The following ZNF420 variants were observed in gnomAD, a reference collection of about 807,000 sequenced individuals.
ZNF420 encodes ATM and p53-associated KZNF protein.
Under a neutral mutation model 44.7 loss-of-function variants are expected in ZNF420, and 31 were observed. The observed-to-expected ratio is 0.69, with a 90% CI of 0.52 to 0.94. The LOEUF is 0.94. Ranked by LOEUF, ZNF420 falls within the 40% of genes least tolerant of loss-of-function variation. The pLI is 0.00. For synonymous variants in ZNF420, 245 were observed against 267.4 expected, an observed-to-expected ratio of 0.92 and a Z score of 0.82; for missense variants, 681 against 827.9, an observed-to-expected ratio of 0.82 and a Z score of 2.18.
chr19:37,059,547 C>T (rs573901692), intron 1 of ZNF420, among the ~76,000 whole-genome samples: 62 of 152,256 alleles, frequency 4.1e-4, no homozygotes, highest in Non-Finnish European at 7.8e-4. Flanking sequence ...ACAGAGCTGT[C>T]GAGGATGACG....
chr19:37,051,169 G>T (rs1253570219), intron 1 of ZNF420, among the ~76,000 whole-genome samples: 1 of 152,112 alleles, frequency 6.6e-6, no homozygotes, highest in Non-Finnish European at 1.5e-5. Flanking sequence ...CAGGAATATT[G>T]GTCTAAAATT....
chr19:37,115,470 G>T (rs1047959300), intron 4 of ZNF420, among the ~76,000 whole-genome samples: 7 of 151,790 alleles, frequency 4.6e-5, no homozygotes, highest in Non-Finnish European at 1.0e-4. Flanking sequence ...TGTGAACAGA[G>T]GTCTTTGTGT....
upstream of ZNF420, among the ~76,000 whole-genome samples, chr19:37,073,676 G>A (rs370605625): frequency 3.3e-5 from 5 of 150,526 alleles, no homozygotes; most frequent in African/African-American, 1.2e-4. Context: ...GGAGGTGGAG[G>A]TTGCAGTGAG....
chr19:37,083,680 T>G (rs1414986797), intron 2 of ZNF420, among the ~76,000 whole-genome samples: 1 of 152,176 alleles, frequency 6.6e-6, no homozygotes. Context: ...CAGTAGTCTT[T>G]GGCAGATTCC....
chr19:37,121,621 A>T (rs534987210), intron 4 of ZNF420, among the ~76,000 whole-genome samples: 20 of 152,362 alleles, frequency 1.3e-4, no homozygotes, highest in Non-Finnish European at 2.4e-4. Context: ...CAAAACTGAC[A>T]AATGGGATCT....
chr19:37,034,835 A>G (rs1205370094), intron 1 of ZNF420, among the ~76,000 whole-genome samples: 1 of 152,230 alleles, frequency 6.6e-6, no homozygotes, highest in Non-Finnish European at 1.5e-5. Context: ...CAAGTGTTCT[A>G]GAAGCATGTA....
chr19:37,067,355 A>C (rs1967983925), intron 1 of ZNF420, among the ~76,000 whole-genome samples: 1 of 152,200 alleles, frequency 6.6e-6, no homozygotes, highest in Non-Finnish European at 1.5e-5. Flanking sequence ...ATGCATGCTA[A>C]AGTATTTAGG....
chr19:37,045,223 T>C (rs1056208088), intron 1 of ZNF420, among the ~76,000 whole-genome samples: 2 of 152,236 alleles, frequency 1.3e-5, no homozygotes, highest in Admixed American at 6.5e-5. Flanking sequence ...CAAAGTTATA[T>C]ATTTTCAAAG....
rs551506382 is a variant in ZNF420 at position 37,053,732 on chromosome 19, G to C, written c.-124-26613G>C. Among the ~76,000 whole-genome samples, 99 of 152,214 alleles carry C rather than the reference G, an allele frequency of 6.5e-4. 2 individuals carry two copies. The South Asian group carries it at 0.017, about 26-fold the overall frequency. ...TCGTTCCTCTGAAAGTTTTGTCTCA[G>C]AGGAGTACCTGGCCGTGTGAGGTGT... On this transcript the variant is annotated intron_variant, in intron 1 of 4. Coordinates refer to the ZNF420 transcript ENST00000587029.
intron 1 of ZNF420, among the ~76,000 whole-genome samples, chr19:37,045,211 T>C (rs1967521973): frequency 6.6e-6 from 1 of 152,206 alleles, no homozygotes; most frequent in African/African-American, 2.4e-5. Context: ...ATTCTGTAGT[T>C]CCAAAGTTAT....
At chr19:37,083,935 C>T (rs908336412) in intron 2 of ZNF420, among the ~76,000 whole-genome samples, 2 of 151,928 alleles carry the variant, frequency 1.3e-5, no homozygotes, top group South Asian at 4.2e-4. Flanking sequence ...CTGATATTTC[C>T]AATTGAAATA....
At chr19:37,083,326 A>G (rs1968577252) in intron 2 of ZNF420, among the ~76,000 whole-genome samples, 1 of 152,142 alleles carries the variant, frequency 6.6e-6, no homozygotes, top group African/African-American at 2.4e-5. Flanking sequence ...TTACAGAATT[A>G]TATTCTAATT....
chr19:37,042,034 C>T (rs1568427264), intron 1 of ZNF420, among the ~76,000 whole-genome samples: 1 of 152,302 alleles, frequency 6.6e-6, no homozygotes, highest in East Asian at 1.9e-4. Context: ...AAGTCTCGCT[C>T]TGTTGCCCAG....
In ZNF420 at chr19:37,130,136, C is replaced by T. The variant is rs772137273; in HGVS notation, c.*1078C>T. 7.1e-6 allele frequency: 11 copies of T among 1,550,234 alleles called. No homozygotes were observed. Among genetic ancestry groups the T allele is most frequent in the South Asian group, 1.2e-5 (1 of 84,056 alleles). ...TTTTTTTCCGTGCCTACAATGTGGA[C>T]ATCTAAGCTGGAGCTCCGTTACTCT... On this transcript the variant is annotated 3_prime_UTR_variant, in exon 5 of 5. Coordinates refer to ENST00000337995, the MANE Select transcript of ZNF420 (RefSeq NM_144689.5).
At chr19:37,087,023 AC>A (rs1968829170) in intron 2 of ZNF420, among the ~76,000 whole-genome samples, 1 of 152,006 alleles carries the variant, frequency 6.6e-6, no homozygotes, top group African/African-American at 2.4e-5. Context: ...GGTGGCTTAT[AC>A]CTATAATCCC....
intron 1 of ZNF420, among the ~76,000 whole-genome samples, chr19:37,042,840 T>C (rs1269574911): frequency 6.6e-6 from 1 of 152,352 alleles, no homozygotes; most frequent in Non-Finnish European, 1.5e-5. Context: ...TAATCGTTTC[T>C]TGGTGTTGAG....
chr19:37,057,215 CAG>C (rs557660738), intron 1 of ZNF420, among the ~76,000 whole-genome samples: 148 of 152,342 alleles, frequency 9.7e-4, no homozygotes, highest in African/African-American at 3.5e-3. Context: ...AAACCACAGG[CAG>C]AGTCCAGGGG....
intron 4 of ZNF420, chr19:37,108,470 A>G (rs1970215130): frequency 1.3e-5 from 2 of 152,158 alleles, no homozygotes; most frequent in South Asian, 2.1e-4. Flanking sequence ...TTTAATAACT[A>G]TATTTCCTAC....
rs1971417098 is a variant in ZNF420, at chr19:37,127,491, A to G, written c.500A>G (p.Tyr167Cys). 8.1e-6 allele frequency: 13 copies of G among 1,614,074 alleles called. No homozygotes were observed. The highest frequency in any genetic ancestry group is 1.1e-5 in the Non-Finnish European group (13 of 1,179,948). The change falls in exon 5 of 5, where the codon TAT becomes TGT. Residue 167 changes from tyrosine (Y) to cysteine (C), a missense_variant. Coordinates refer to ENST00000337995, the MANE Select transcript of ZNF420 (RefSeq NM_144689.5). ...AGTATTCATACTGGTGAAAAACCCT[A>G]TGAATGTAAGCAATGCGGGAAGGCC... ...HQSIHTGEKP[Y>C]ECKQCGKAFS...
Sources: gnomAD v4.1 joint callset for allele counts (sites outside exome capture counted in the v4.1 genomes callset) on GRCh38, gnomAD v4.1.1 for gene constraint, MANE v1.5 for transcripts, NCBI Gene and HGNC (gene_info 2026-07-23, HGNC 2026-07-21) for gene names.